The following BNIPL variants were observed in gnomAD, a reference collection of about 807,000 sequenced individuals.
The protein encoded by BNIPL is BCL2 interacting protein like.
Under a neutral mutation model 47.0 loss-of-function variants are expected in BNIPL, and 33 were observed. That is an observed-to-expected ratio of 0.70 (90% CI 0.53 to 0.94). The LOEUF is 0.94. BNIPL is among the 40% of genes least tolerant of loss of function. The pLI, the probability that BNIPL is intolerant of heterozygous loss-of-function variation, is 0.00. For missense variants in BNIPL, 404 were observed against 445.2 expected (o/e 0.91, Z 0.83); for synonymous variants, 145 against 162.7 (o/e 0.89, Z 0.83).
At chr1:151,039,158 C>T in intron 4 of BNIPL, 132 bp downstream of exon 4, 2 of 1,305,900 alleles carry the variant, frequency 1.5e-6, no homozygotes, top group Non-Finnish European at 2.0e-6. Flanking sequence ...AATTAGTTTC[C>T]TCAAATGGAA....
chr1:151,040,476 C>T (rs778389841), intron 4 of BNIPL, among the ~76,000 whole-genome samples: 5 of 151,350 alleles, frequency 3.3e-5, no homozygotes, highest in African/African-American at 4.8e-5. Flanking sequence ...CCACTGTACT[C>T]GGCTATGCAA....
At chr1:151,040,354 A>G (rs587703591) in intron 4 of BNIPL, among the ~76,000 whole-genome samples, 2 of 150,140 alleles carry the variant, frequency 1.3e-5, no homozygotes, top group South Asian at 4.2e-4. Flanking sequence ...TAATTTTTAT[A>G]TATTTTTGTA....
chr1:151,038,719 C>A, intron 3 of BNIPL, 77 bp from the exon 4 acceptor site: 2 of 1,551,234 alleles, frequency 1.3e-6, no homozygotes, highest in Non-Finnish European at 1.7e-6. Flanking sequence ...TTATCACTTT[C>A]ACATACAGGA....
chr1:151,045,588 GT>G, intron 7 of BNIPL: 1 of 683,382 alleles, frequency 1.5e-6, no homozygotes, highest in Non-Finnish European at 2.1e-6. Context: ...AATCTTGAGA[GT>G]TTTTTTAAAA....
At chr1:151,043,977 AGTTTTTTT>A (rs1031606026) in intron 7 of BNIPL, among the ~76,000 whole-genome samples, 5 of 151,554 alleles carry the variant, frequency 3.3e-5, no homozygotes, top group African/African-American at 4.9e-5. Context: ...CTTCAGCTTC[AGTTTTTTT>A]GTTTTTTTGT....
chr1:151,038,096 C>T (rs1019766924), intron 2 of BNIPL, among the ~76,000 whole-genome samples: 9 of 146,428 alleles, frequency 6.1e-5, no homozygotes, highest in South Asian at 4.4e-4. Flanking sequence ...AAACAGAGGC[C>T]GGGCGTGGTG....
intron 7 of BNIPL, chr1:151,045,587 AGTTTTTTT>A: frequency 1.8e-6 from 1 of 543,178 alleles, no homozygotes; most frequent in Non-Finnish European, 2.9e-6. Context: ...AAATCTTGAG[AGTTTTTTT>A]AAAAATGAGG....
rs141131792 is a variant in BNIPL at position 151,043,066 on chromosome 1, C to T, written c.544C>T (p.Arg182Ter). The change falls in exon 5 of 10, where the codon CGA becomes TGA. Residue 182 changes from arginine (R) to a stop codon, truncating the protein, a stop_gained. Coordinates refer to ENST00000368931, the MANE Select transcript of BNIPL (RefSeq NM_138278.4). LOFTEE classifies it high-confidence loss of function. ...AGATGGACATCACTGGAGGGTGTTC[C>T]GAATGGGACCACGGGAGCAGCGCGT... Reference protein sequence around the residue: ...GEDGHHWRVFRMGPREQRVDM... With the variant: ...GEDGHHWRVF 6.8e-6 allele frequency: 11 copies of T among 1,611,036 alleles called. No homozygotes were observed. Among genetic ancestry groups the T allele is most frequent in the African/African-American group, 4.0e-5 (3 of 74,674 alleles).
Position 151,036,717 on chromosome 1 carries a change from CT to C in BNIPL, c.-7del, listed in dbSNP as rs759323410. 6.2e-7 allele frequency: 1 copy of C among 1,609,936 alleles called. No individual in the cohort carries two copies. Among genetic ancestry groups the C allele is most frequent in the Non-Finnish European group, 8.5e-7 (1 of 1,176,312 alleles). On this transcript the variant is annotated 5_prime_UTR_variant, in exon 1 of 10. Coordinates refer to ENST00000368931, the MANE Select transcript of BNIPL (RefSeq NM_138278.4). The stretch of plus-strand genomic sequence containing the variant: ...GTGTTTAAAGAAGGAGGCAGGAAGA[CT>C]TGTGAAGATGGGAACTATACAAGAG...
At chr1:151,038,225 T>C (rs945376104) in intron 2 of BNIPL, among the ~76,000 whole-genome samples, 4 of 149,788 alleles carry the variant, frequency 2.7e-5, no homozygotes, top group Non-Finnish European at 5.9e-5. Context: ...AATACAAAAT[T>C]TAGCCAAGTG....
At chr1:151,038,241 G>A (rs79138364) in intron 2 of BNIPL, among the ~76,000 whole-genome samples, 1,897 of 151,222 alleles carry the variant, frequency 0.013, 47 homozygotes, top group African/African-American at 0.044. Flanking sequence ...AAGTGTGGTG[G>A]TGCACACCTG....
chr1:151,038,766 T>C (rs1383194641), intron 3 of BNIPL, 30 bp from the exon 4 acceptor site: 2 of 1,558,250 alleles, frequency 1.3e-6, no homozygotes, highest in Non-Finnish European at 1.7e-6. Context: ...CACACACCCA[T>C]CTTGGTTCTC....
At chr1:151,046,509 T>C (rs1676028927) in intron 9 of BNIPL, 142 bp from the exon 10 acceptor site, 1 of 752,550 alleles carries the variant, frequency 1.3e-6, no homozygotes, top group African/African-American at 1.9e-5. Flanking sequence ...GGAGAGGGTG[T>C]TAGGGAGCAA....
chr1:151,046,699 A>C lies in BNIPL; in HGVS notation c.*12A>C. The C allele has an allele frequency of 6.3e-7, 1 of 1,582,154 alleles. No homozygotes were observed. The highest frequency in any genetic ancestry group is 8.7e-7 in the Non-Finnish European group (1 of 1,152,694). On this transcript the variant is annotated 3_prime_UTR_variant, in exon 10 of 10. Transcript: ENST00000368931. ...CAGGAGGGACATAGCACAGGACTGG[A>C]TAAAAGGCCTTAGAACCAGTTAGTG...
Position 151,038,834 on chromosome 1 carries a change from C to T in BNIPL, c.241C>T (p.Arg81Cys), listed in dbSNP as rs372733469. Residue 81 changes from arginine (R) to cysteine (C), a missense_variant, in exon 4 of 10, where the codon CGC (arginine) becomes TGC (cysteine). Arg to Cys is a radical substitution (Grantham distance 180, BLOSUM62 -3). Coordinates refer to ENST00000368931, the MANE Select transcript of BNIPL (RefSeq NM_138278.4). Reference sequence around the variant, plus strand: ...CAGCACTTTAGCCCTGTGTGGCCAGCGCCCCATGCGCAAGCGTCTTTCTGC... The same window carrying T: ...CAGCACTTTAGCCCTGTGTGGCCAGTGCCCCATGCGCAAGCGTCTTTCTGC... ...TPSTLALCGQ[R>C]PMRKRLSAPE... The T allele has an allele frequency of 3.5e-5, 57 of 1,609,854 alleles. No individual in the cohort carries two copies. Among genetic ancestry groups the T allele is most frequent in the African/African-American group, 1.1e-4 (8 of 74,824 alleles).
intron 2 of BNIPL, among the ~76,000 whole-genome samples, chr1:151,038,022 A>AAAAAAAAAAAAAAAAAAC (rs1675685351): frequency 6.8e-6 from 1 of 146,202 alleles, no homozygotes; most frequent in African/African-American, 2.5e-5. Flanking sequence ...AAAAAAAAAA[A>AAAAAAAAAAAAAAAAAAC]AAAAAAAGCA....
chr1:151,038,111 A>G (rs993794660), intron 2 of BNIPL, among the ~76,000 whole-genome samples: 3 of 150,948 alleles, frequency 2.0e-5, no homozygotes, highest in African/African-American at 7.4e-5. Context: ...GTGGTGGCTG[A>G]TGCCTGTAAT....
Position 151,038,890 on chromosome 1 carries a change from G to A in BNIPL, c.297G>A (p.Gly99=), listed in dbSNP as rs760746707. 1 of 1,614,072 alleles carries A rather than the reference G, an allele frequency of 6.2e-7. No homozygotes were observed. Among genetic ancestry groups the A allele is most frequent in the South Asian group, 1.1e-5 (1 of 91,072 alleles). The change falls in exon 4 of 10, where the codon GGG becomes GGA. Residue 99 remains glycine, a synonymous_variant. Transcript: ENST00000368931. ...APELRLSLTK[G]PGNDGASPTQ... ...AGTTGCGGCTGAGTCTGACTAAGGG[G>A]CCTGGAAATGATGGAGCTTCACCCA...
At chr1:151,044,795 T>C in intron 7 of BNIPL, 1 of 1,263,348 alleles carries the variant, frequency 7.9e-7, no homozygotes. Context: ...TTTTTTCCCC[T>C]TTTGGTTCCC....
Sources: allele counts gnomAD v4.1 joint callset (sites outside exome capture counted in the v4.1 genomes callset), GRCh38; gene constraint gnomAD v4.1.1; transcripts MANE v1.5; gene names NCBI Gene and HGNC (gene_info 2026-07-23, HGNC 2026-07-21).